Variants in CLYBL observed in about 807,000 individuals in gnomAD.
CLYBL encodes citramalyl-CoA lyase, mitochondrial.
Under a neutral mutation model 38.9 loss-of-function variants are expected in CLYBL, and 31 were observed. The ratio of observed to expected loss-of-function variants is 0.80; its 90% CI spans 0.60 to 1.08. The LOEUF (loss-of-function observed/expected upper bound fraction) is 1.08. CLYBL is among the 50% of genes least tolerant of loss of function. The pLI is 0.00. For synonymous variants in CLYBL, 171 were observed against 158.6 expected (o/e 1.08, Z -0.59); for missense variants, 434 against 411.6 (o/e 1.05, Z -0.47).
intron 2 of CLYBL, among the ~76,000 whole-genome samples, chr13:99,852,003 G>T (rs1232988673): frequency 6.6e-6 from 1 of 152,080 alleles, no homozygotes; most frequent in Non-Finnish European, 1.5e-5. Flanking sequence ...ATATAATTTG[G>T]CAATAAAAAA....
At chr13:99,884,706 C>G (rs749506832) in intron 7 of CLYBL, among the ~76,000 whole-genome samples, 2 of 152,192 alleles carry the variant, frequency 1.3e-5, no homozygotes, top group Non-Finnish European at 2.9e-5. Flanking sequence ...ATGCAGTAGG[C>G]TCTGCATCCA....
chr13:99,687,022 A>G (rs2047827803), intron 1 of CLYBL, among the ~76,000 whole-genome samples: 2 of 152,216 alleles, frequency 1.3e-5, no homozygotes, highest in African/African-American at 4.8e-5. Context: ...TCCAAGGGTC[A>G]CTTGCAGAGA....
chr13:99,898,660 T>C (rs141516264), downstream of CLYBL, among the ~76,000 whole-genome samples: 3 of 152,304 alleles, frequency 2.0e-5, no homozygotes, highest in African/African-American at 7.2e-5. Context: ...TCCACACTGA[T>C]CTTTTCCGAA....
chr13:99,723,705 T>C lies in CLYBL; in HGVS notation c.63-49119T>C, dbSNP rs548316130. Among the ~76,000 whole-genome samples, 29 of 152,328 alleles carry C rather than the reference T, an allele frequency of 1.9e-4. No individual in the cohort carries two copies. The Middle Eastern group carries it at 0.01, about 54-fold the overall frequency. On this transcript the variant is annotated intron_variant, in intron 1 of 8. Coordinates refer to ENST00000339105, the MANE Select transcript of CLYBL (RefSeq NM_206808.5). The stretch of plus-strand genomic sequence containing the variant: ...GCCCCTTAGTCTCTCTATAAGAATT[T>C]GTTACAGCATATTCAGATGTGGTAA...
chr13:99,877,643 C>T (rs1358006168), intron 7 of CLYBL: 1 of 310,298 alleles, frequency 3.2e-6, no homozygotes, highest in Non-Finnish European at 5.9e-6. Context: ...ATGGCGTGAT[C>T]TCGGCTCCCT....
chr13:99,683,738 CTT>C (rs35255826), intron 1 of CLYBL, among the ~76,000 whole-genome samples: 43 of 146,036 alleles, frequency 2.9e-4, no homozygotes, highest in African/African-American at 7.4e-4. Flanking sequence ...TTACAGTTAA[CTT>C]TTTTTTTTTT....
rs1320206681 is a variant in CLYBL at position 99,833,302 on chromosome 13, A to C, written c.250-25559A>C. ...ATGATCCAGCTACCTCAGCCTTCCA[A>C]AGTGCTGGGATTACAGGCATGAGCC... On this transcript the variant is annotated intron_variant, in intron 2 of 8. Transcript: ENST00000339105. Among the ~76,000 whole-genome samples, 5 of 151,664 alleles carry C rather than the reference A, an allele frequency of 3.3e-5. No individual in the cohort carries two copies. In the East Asian group the frequency reaches 7.8e-4, roughly 24 times the overall value.
chr13:99,665,533 A>G lies in CLYBL; in HGVS notation c.62+58776A>G, dbSNP rs186776528. 4.5e-3 allele frequency among the ~76,000 whole-genome samples: 678 copies of G among 152,208 alleles called. 10 individuals are homozygous for G. The highest frequency in any genetic ancestry group is 0.015 in the African/African-American group (635 of 41,548). On this transcript the variant is annotated intron_variant, in intron 1 of 8. Transcript: ENST00000339105. ...AATATAGTTTTTAGTGAAAAAAATT[A>G]TTAAACTTTTACACAGTAACCCTAA... is the stretch of plus-strand genomic sequence containing the variant.
intron 1 of CLYBL, among the ~76,000 whole-genome samples, chr13:99,747,054 C>T (rs2139620025): frequency 6.6e-6 from 1 of 152,246 alleles, no homozygotes; most frequent in African/African-American, 2.4e-5. Context: ...TCCAGTTTTC[C>T]GTCAGATAAA....
intron 1 of CLYBL, among the ~76,000 whole-genome samples, chr13:99,755,040 G>C (rs2049035904): frequency 6.6e-6 from 1 of 151,792 alleles, no homozygotes; most frequent in Non-Finnish European, 1.5e-5. Flanking sequence ...TGGGACTACA[G>C]GCACCTGCCA....
chr13:99,652,427 T>C (rs1298721420), intron 1 of CLYBL, among the ~76,000 whole-genome samples: 2 of 152,034 alleles, frequency 1.3e-5, no homozygotes, highest in Non-Finnish European at 2.9e-5. Context: ...AATACAGATA[T>C]TGGCCAGACA....
chr13:99,690,844 CTCA>C (rs2047890744), intron 1 of CLYBL: 1 of 152,084 alleles, frequency 6.6e-6, no homozygotes, highest in Non-Finnish European at 1.5e-5. Context: ...TTTCAGTTTC[CTCA>C]GGGGGAAAAA....
At chr13:99,814,335 T>C (rs896835844) in intron 2 of CLYBL, among the ~76,000 whole-genome samples, 2 of 152,324 alleles carry the variant, frequency 1.3e-5, no homozygotes, top group African/African-American at 4.8e-5. Context: ...CAAGATCATG[T>C]AGTCAGAAAC....
At chr13:99,716,979 C>T (rs1167649728) in intron 1 of CLYBL, among the ~76,000 whole-genome samples, 58 of 150,668 alleles carry the variant, frequency 3.8e-4, no homozygotes, top group Non-Finnish European at 7.0e-4. Context: ...TTAGTAGAGA[C>T]GGGGTTTCTC....
chr13:99,886,821 C>T (rs774176631), intron 7 of CLYBL, among the ~76,000 whole-genome samples: 3 of 152,178 alleles, frequency 2.0e-5, no homozygotes, highest in African/African-American at 4.8e-5. Flanking sequence ...CATCAGGTAG[C>T]ACCTGCTTCT....
chr13:99,753,678 A>G lies in CLYBL; in HGVS notation c.63-19146A>G, dbSNP rs560752236. On this transcript the variant is annotated intron_variant, in intron 1 of 8. Transcript: ENST00000339105. ...TGTTAGAGTTATTATTTTAGTGGCAATCTCTTTTTAACTTCATTTTGAATT... is the reference window on the plus strand; with the variant it reads ...TGTTAGAGTTATTATTTTAGTGGCAGTCTCTTTTTAACTTCATTTTGAATT... Among the ~76,000 whole-genome samples the G allele has an allele frequency of 3.3e-5, 5 of 152,314 alleles. No homozygotes were observed. In the East Asian group the frequency reaches 7.7e-4, roughly 23 times the overall value.
At chr13:99,736,324 C>T (rs1274514638) in intron 1 of CLYBL, among the ~76,000 whole-genome samples, 1 of 151,684 alleles carries the variant, frequency 6.6e-6, no homozygotes, top group Non-Finnish European at 1.5e-5. Flanking sequence ...CAGTATGAGC[C>T]ACCGCACCCG....
intron 1 of CLYBL, among the ~76,000 whole-genome samples, chr13:99,705,175 C>G (rs1420943502): frequency 6.6e-6 from 1 of 151,994 alleles, no homozygotes; most frequent in African/African-American, 2.4e-5. Context: ...TTCTTGATAG[C>G]CAAAAGATGG....
intron 1 of CLYBL, among the ~76,000 whole-genome samples, chr13:99,679,094 A>T (rs1238644116): frequency 6.6e-6 from 1 of 152,118 alleles, no homozygotes; most frequent in Non-Finnish European, 1.5e-5. Flanking sequence ...GGAGATTGAG[A>T]TCATCCTGGC....
Sources: gnomAD v4.1 joint callset for allele counts (sites outside exome capture counted in the v4.1 genomes callset) on GRCh38, gnomAD v4.1.1 for gene constraint, MANE v1.5 for transcripts, NCBI Gene and HGNC (gene_info 2026-07-23, HGNC 2026-07-21) for gene names.